The following WAC variants were observed in gnomAD, a reference collection of about 807,000 sequenced individuals.
WAC encodes WW domain containing adaptor with coiled-coil, also known as WW domain-containing adapter protein with coiled-coil.
In WAC, 11 loss-of-function variants were observed where a neutral mutation model predicts 79.6. The observed-to-expected ratio is 0.14, with a 90% CI of 0.09 to 0.23. The LOEUF (loss-of-function observed/expected upper bound fraction) is 0.23, where lower values mean the gene tolerates loss of function less well. Among genes scored for constraint, WAC ranks in the 10% least tolerant of loss-of-function variants. The pLI, the probability that WAC is intolerant of heterozygous loss-of-function variation, is 1.00. For missense variants in WAC, 728 were observed against 773.5 expected (o/e 0.94, Z 0.70); for synonymous variants, 304 against 276.9 (o/e 1.10, Z -0.97).
intron 7 of WAC, among the ~76,000 whole-genome samples, chr10:28,606,967 A>G (rs567353675): frequency 2.2e-4 from 34 of 152,308 alleles, no homozygotes; most frequent in African/African-American, 7.2e-4. Context: ...TTTTTGCATT[A>G]TGGTGAGTGT....
At chr10:28,555,156 A>G (rs548875072) in intron 3 of WAC, among the ~76,000 whole-genome samples, 6 of 152,050 alleles carry the variant, frequency 3.9e-5, no homozygotes, top group Admixed American at 6.5e-5. Flanking sequence ...CTGCTTTCCA[A>G]CCTTCTACTC....
chr10:28,614,169 G>T (rs956236870), intron 10 of WAC, among the ~76,000 whole-genome samples: 1 of 151,868 alleles, frequency 6.6e-6, no homozygotes, highest in African/African-American at 2.4e-5. Context: ...GCTGTGGCGC[G>T]ATCTCCGCTC....
At chr10:28,610,671 A>G (rs777524807) in intron 8 of WAC, 28 bp from the exon 9 acceptor site, 7 of 1,585,742 alleles carry the variant, frequency 4.4e-6, no homozygotes, top group African/African-American at 1.4e-5. Context: ...TTGTTTTTAT[A>G]TGAATGTATG....
chr10:28,584,221 G>GTCA, intron 4 of WAC, among the ~76,000 whole-genome samples: 1 of 152,240 alleles, frequency 6.6e-6, no homozygotes, highest in East Asian at 1.9e-4. Flanking sequence ...TCCCAGCTTG[G>GTCA]GTGAGGAAGA....
intron 3 of WAC, among the ~76,000 whole-genome samples, chr10:28,577,611 C>T (rs979970880): frequency 2.0e-5 from 3 of 152,040 alleles, no homozygotes; most frequent in African/African-American, 7.3e-5. Context: ...TGATGAAAGG[C>T]CAAGGACACT....
At position 28,622,424 on chromosome 10, in the gene WAC, TGCCCC is replaced by T. The variant is rs1841725931; in HGVS notation, c.*2819_*2823del. On this transcript the variant is annotated 3_prime_UTR_variant, in exon 14 of 14. Transcript: ENST00000354911. ...AACTTGAGTGGCCTTTCCCTCCCCCTGCCCCCCCCCCCCCCCCCCCGTTTTAAAAG... is the reference window on the plus strand; with the variant it reads ...AACTTGAGTGGCCTTTCCCTCCCCCTCCCCCCCCCCCCCCCGTTTTAAAAG... The T allele has an allele frequency of 4.0e-3, 3 of 746 alleles. No homozygotes were observed. The highest frequency in any genetic ancestry group is 7.9e-3 in the African/African-American group (3 of 382). 0.0% of individuals were successfully genotyped at this position (746 alleles called of 1,614,324 possible). A position where few individuals can be genotyped will look rare whatever the true frequency, so the allele number is the denominator to read the frequency against.
intron 3 of WAC, among the ~76,000 whole-genome samples, chr10:28,539,872 T>G (rs532362769): frequency 9.8e-5 from 15 of 152,322 alleles, no homozygotes; most frequent in Non-Finnish European, 1.9e-4. Flanking sequence ...AGTGAAGTTT[T>G]TATTTTGTCA....
At chr10:28,533,712 T>A in intron 1 of WAC, 92 bp downstream of exon 1, 1 of 1,405,650 alleles carries the variant, frequency 7.1e-7, no homozygotes, top group Non-Finnish European at 9.6e-7. Context: ...GGGCCGCCAT[T>A]TTTGTTGTTA....
intron 7 of WAC, among the ~76,000 whole-genome samples, chr10:28,603,989 GTA>G (rs1479559809): frequency 0.075 from 1,986 of 26,388 alleles, 196 homozygotes; most frequent in Non-Finnish European, 0.093. Flanking sequence ...ATATATATAT[GTA>G]TATATATATA....
At chr10:28,614,198 C>T (rs987241133) in intron 10 of WAC, among the ~76,000 whole-genome samples, 9 of 151,994 alleles carry the variant, frequency 5.9e-5, no homozygotes, top group African/African-American at 1.4e-4. Context: ...CTCCGCCTTC[C>T]GGGTTCACGC....
chr10:28,569,384 G>A (rs1246125827), intron 3 of WAC, among the ~76,000 whole-genome samples: 1 of 152,136 alleles, frequency 6.6e-6, no homozygotes, highest in Non-Finnish European at 1.5e-5. Context: ...AAATCTGTTT[G>A]AATGTTATCA....
At chr10:28,572,349 A>AC (rs973238328) in intron 3 of WAC, among the ~76,000 whole-genome samples, 1 of 151,530 alleles carries the variant, frequency 6.6e-6, no homozygotes, top group African/African-American at 2.4e-5. Flanking sequence ...AAAAAAAAAA[A>AC]AAAAAGCCAT....
chr10:28,551,957 G>A (rs1837704166), intron 3 of WAC, among the ~76,000 whole-genome samples: 1 of 151,866 alleles, frequency 6.6e-6, no homozygotes, highest in Admixed American at 6.6e-5. Flanking sequence ...CTCCCAAGGA[G>A]CTGGGATTCC....
chr10:28,543,426 A>G (rs1837171250), intron 3 of WAC, among the ~76,000 whole-genome samples: 2 of 152,234 alleles, frequency 1.3e-5, no homozygotes, highest in Admixed American at 1.3e-4. Flanking sequence ...GATCTTTGAA[A>G]CCTAGTGTCT....
At chr10:28,616,470 T>C (rs1026438590) in intron 12 of WAC, 108 bp downstream of exon 12, 37 of 927,152 alleles carry the variant, frequency 4.0e-5, no homozygotes, top group Non-Finnish European at 5.2e-5. Flanking sequence ...ATATTTAAAA[T>C]AATGAATCTC....
chr10:28,620,324 C>G lies in WAC; in HGVS notation c.*718C>G, dbSNP rs551613310. 6.6e-6 allele frequency: 1 copy of G among 152,084 alleles called. No homozygotes were observed. The highest frequency in any genetic ancestry group is 2.0e-4 in the East Asian group (1 of 5,124). The allele number at this position is 152,084 out of a possible 1,614,324, so 9.4% of individuals were successfully genotyped here. On this transcript the variant is annotated 3_prime_UTR_variant, in exon 14 of 14. Coordinates refer to ENST00000354911, the MANE Select transcript of WAC (RefSeq NM_016628.5). ...GTAGCTTAAAATTGCAGTGATTGAG[C>G]ATAACCTACTTGTTTGTATAAATTA...
chr10:28,580,306 A>G (rs2132609140), intron 3 of WAC, among the ~76,000 whole-genome samples: 1 of 152,348 alleles, frequency 6.6e-6, no homozygotes, highest in East Asian at 1.9e-4. Context: ...ATTAATTGGA[A>G]TGCTTGTCAG....
chr10:28,592,944 A>G (rs1457591935), intron 6 of WAC, among the ~76,000 whole-genome samples: 1 of 152,196 alleles, frequency 6.6e-6, no homozygotes, highest in Admixed American at 6.5e-5. Context: ...TTGCGTAGGT[A>G]TACCTTCATT....
At chr10:28,541,237 T>C (rs1350641231) in intron 3 of WAC, among the ~76,000 whole-genome samples, 2 of 152,098 alleles carry the variant, frequency 1.3e-5, no homozygotes, top group Admixed American at 1.3e-4. Flanking sequence ...TAAGCATCTG[T>C]TACCTTATTC....
Sources: allele counts gnomAD v4.1 joint callset (sites outside exome capture counted in the v4.1 genomes callset), GRCh38; gene constraint gnomAD v4.1.1; transcripts MANE v1.5; gene names NCBI Gene and HGNC (gene_info 2026-07-23, HGNC 2026-07-21).